Variants in SCAI observed in about 807,000 individuals in gnomAD.
The protein encoded by SCAI is suppressor of cancer cell invasion.
Under a neutral mutation model 92.2 loss-of-function variants are expected in SCAI, and 24 were observed. The observed-to-expected ratio is 0.26, with a 90% confidence interval of 0.19 to 0.37. SCAI has a LOEUF of 0.37. SCAI is among the 10% of genes least tolerant of loss of function. SCAI has a pLI of 1.00. For synonymous variants in SCAI, 261 were observed against 258.6 expected, an observed-to-expected ratio of 1.01 and a Z score of -0.09; for missense variants, 450 against 736.2, an observed-to-expected ratio of 0.61 and a Z score of 4.50.
intron 3 of SCAI, among the ~76,000 whole-genome samples, chr9:125,044,281 G>A (rs111659586): frequency 1.4e-4 from 21 of 152,172 alleles, no homozygotes; most frequent in African/African-American, 3.4e-4. Flanking sequence ...AGGCCCATCC[G>A]TGGCCTCCCA....
intron 2 of SCAI, among the ~76,000 whole-genome samples, chr9:125,134,740 G>T (rs542825009): frequency 6.6e-6 from 1 of 152,212 alleles, no homozygotes; most frequent in Non-Finnish European, 1.5e-5. Context: ...GCAATGGCAC[G>T]ATCTCGGCTC....
intron 2 of SCAI, among the ~76,000 whole-genome samples, chr9:125,115,844 A>G (rs1835034644): frequency 6.6e-6 from 1 of 152,224 alleles, no homozygotes. Context: ...ACAGTACACT[A>G]TTTTTTAAGT....
At chr9:124,992,728 T>C (rs1832154504) in intron 14 of SCAI, among the ~76,000 whole-genome samples, 1 of 152,194 alleles carries the variant, frequency 6.6e-6, no homozygotes. Flanking sequence ...GGACGATTTA[T>C]TTCTTCAGAG....
At chr9:124,979,825 G>A (rs1432193382) in intron 14 of SCAI, among the ~76,000 whole-genome samples, 7 of 152,076 alleles carry the variant, frequency 4.6e-5, no homozygotes, top group African/African-American at 9.7e-5. Flanking sequence ...CCAGGCGGGC[G>A]GATCACGAGG....
In SCAI at chr9:125,081,813, C is replaced by T. The variant is rs150446741; in HGVS notation, c.99-25806G>A. Among the ~76,000 whole-genome samples, 1,137 of 152,202 alleles carry T rather than the reference C, an allele frequency of 7.5e-3. 11 individuals are homozygous for T. Among genetic ancestry groups the T allele is most frequent in the Non-Finnish European group, 0.013 (902 of 68,014 alleles). On this transcript the variant is annotated intron_variant, in intron 2 of 17. Transcript: ENST00000336505. ...TGATCTTAAAGGCTCAGGCAATCCGCCCACCCCGGCTTCCCAAAGTGCTAG... is the reference window on the plus strand; with the variant it reads ...TGATCTTAAAGGCTCAGGCAATCCGTCCACCCCGGCTTCCCAAAGTGCTAG...
chr9:125,132,914 A>C (rs903099913), intron 2 of SCAI, among the ~76,000 whole-genome samples: 7 of 152,028 alleles, frequency 4.6e-5, no homozygotes, highest in Non-Finnish European at 1.5e-5. Flanking sequence ...GCAGTAAGCC[A>C]AGATCGCACC....
At chr9:125,019,257 A>G (rs1718132954) in intron 7 of SCAI, 52 bp from the exon 8 acceptor site, 1 of 999,642 alleles carries the variant, frequency 1.0e-6, no homozygotes, top group South Asian at 1.5e-5. Context: ...ATAAAAACAC[A>G]CAGCCATATA....
At chr9:125,133,375 T>C (rs781288793) in intron 2 of SCAI, among the ~76,000 whole-genome samples, 3 of 152,194 alleles carry the variant, frequency 2.0e-5, no homozygotes, top group Non-Finnish European at 4.4e-5. Flanking sequence ...GGTGATAAAG[T>C]GAGACTTCGT....
At chr9:125,092,596 ATCTAAGGCCAAGCCC>A (rs1834456192) in intron 2 of SCAI, among the ~76,000 whole-genome samples, 1 of 152,148 alleles carries the variant, frequency 6.6e-6, no homozygotes, top group Non-Finnish European at 1.5e-5. Context: ...CTATGTTACT[ATCTAAGGCCAAGCCC>A]TCCATTCATG....
chr9:125,131,407 CAAAAA>C (rs200932061), intron 2 of SCAI, among the ~76,000 whole-genome samples: 1 of 63,328 alleles, frequency 1.6e-5, no homozygotes, highest in African/African-American at 5.7e-5. Flanking sequence ...GACTCCGTCT[CAAAAA>C]AAAAAAAAAA....
chr9:125,026,380 CAAAA>C (rs1250420836), intron 6 of SCAI, among the ~76,000 whole-genome samples: 4 of 62,466 alleles, frequency 6.4e-5, no homozygotes, highest in African/African-American at 1.3e-4. Context: ...ACTCCACCTC[CAAAA>C]AAAAAAAAAA....
intron 17 of SCAI, chr9:124,968,399 G>C: frequency 1.8e-6 from 2 of 1,129,136 alleles, no homozygotes; most frequent in Non-Finnish European, 2.7e-6. Context: ...CGCAATCGTG[G>C]GAGTACACCC....
intron 10 of SCAI, 30 bp from the exon 11 acceptor site, chr9:125,003,245 T>C (rs951355922): frequency 1.3e-6 from 2 of 1,512,708 alleles, no homozygotes; most frequent in Non-Finnish European, 1.8e-6. Flanking sequence ...ACATTATACA[T>C]AAAAGCTGCA....
intron 14 of SCAI, among the ~76,000 whole-genome samples, chr9:124,977,779 G>A (rs376349606): frequency 1.3e-5 from 2 of 152,158 alleles, no homozygotes; most frequent in South Asian, 2.1e-4. Flanking sequence ...AGAATGAAAA[G>A]TCCAGAATTA....
intron 3 of SCAI, among the ~76,000 whole-genome samples, chr9:125,045,524 C>T (rs905560066): frequency 6.6e-6 from 1 of 151,950 alleles, no homozygotes; most frequent in Non-Finnish European, 1.5e-5. Context: ...ATTTTGTAGA[C>T]GGGGTCTCAC....
rs878938891 is a variant in SCAI at position 125,026,667 on chromosome 9, C to T, written c.512+145G>A. ...GGTAACATAAACTTCTCTATGCTTT[C>T]GAAGGTCTATTACATAGCAGGCACT... On this transcript the variant is annotated intron_variant, in intron 6 of 17. Coordinates refer to ENST00000336505, the MANE Select transcript of SCAI (RefSeq NM_001144877.3). The T allele has an allele frequency of 8.8e-6, 4 of 454,328 alleles. No individual in the cohort carries two copies. In the Admixed American group the frequency reaches 1.1e-4, roughly 13 times the overall value. The allele number at this position is 454,328 out of a possible 1,614,324, so 28.1% of individuals were successfully genotyped here.
In SCAI at chr9:125,027,687, A is replaced by AT. The variant is rs60391903; in HGVS notation, c.413+704dup. The stretch of plus-strand genomic sequence containing the variant: ...AGGCACCTGCCACCACACTTGGCTA[A>AT]TTTTTTTGTCTTTTTAGTAGAGACG... On this transcript the variant is annotated intron_variant, in intron 5 of 17. Coordinates refer to ENST00000336505, the MANE Select transcript of SCAI (RefSeq NM_001144877.3). 5.2e-3 allele frequency among the ~76,000 whole-genome samples: 788 copies of AT among 151,874 alleles called. 4 individuals are homozygous for AT. Among genetic ancestry groups the AT allele is most frequent in the African/African-American group, 0.018 (745 of 41,402 alleles).
At chr9:125,000,583 C>T (rs2131630005) in intron 12 of SCAI, among the ~76,000 whole-genome samples, 1 of 146,638 alleles carries the variant, frequency 6.8e-6, no homozygotes, top group African/African-American at 2.5e-5. Context: ...GTCTGCATGA[C>T]AGAGTGAGAC....
In SCAI at chr9:124,958,283, T is replaced by C. The variant is rs564372645; in HGVS notation, c.1675-5330A>G. 1.2e-4 allele frequency among the ~76,000 whole-genome samples: 18 copies of C among 152,294 alleles called. No homozygotes were observed. In the South Asian group the frequency reaches 3.1e-3, roughly 26 times the overall value. The stretch of plus-strand genomic sequence containing the variant: ...AACAACCAAAATACCTAAAAATCTT[T>C]TGGGGAAGGGGACTCTCCCTATCAG... On this transcript the variant is annotated intron_variant, in intron 17 of 17. Transcript: ENST00000336505.
Sources: gnomAD v4.1 joint callset for allele counts (sites outside exome capture counted in the v4.1 genomes callset) on GRCh38, gnomAD v4.1.1 for gene constraint, MANE v1.5 for transcripts, NCBI Gene and HGNC (gene_info 2026-07-23, HGNC 2026-07-21) for gene names.